The following PTK2 variants were observed in gnomAD, a reference collection of about 807,000 sequenced individuals.
PTK2 encodes the protein protein tyrosine kinase 2.
In PTK2, 45 loss-of-function variants were observed where a neutral mutation model predicts 150.1. The ratio of observed to expected loss-of-function variants is 0.30; its 90% CI spans 0.24 to 0.38. PTK2 has a LOEUF of 0.38. Ranked by LOEUF, PTK2 falls within the 10% of genes least tolerant of loss-of-function variation. The pLI is 1.00. For synonymous variants in PTK2, 432 were observed against 449.2 expected (o/e 0.96, Z 0.48); for missense variants, 919 against 1,307.3 (o/e 0.70, Z 4.58).
At chr8:140,741,053 AGGAT>A (rs1465780987) in intron 20 of PTK2, among the ~76,000 whole-genome samples, 1 of 152,138 alleles carries the variant, frequency 6.6e-6, no homozygotes, top group Non-Finnish European at 1.5e-5. Flanking sequence ...CTGAGGCAGG[AGGAT>A]GACTTGAGCC....
chr8:140,947,690 T>C (rs1569379382), intron 1 of PTK2, among the ~76,000 whole-genome samples: 1 of 151,874 alleles, frequency 6.6e-6, no homozygotes, highest in Admixed American at 6.6e-5. Flanking sequence ...TCAACAAATA[T>C]CTAGCTATTA....
Position 140,890,779 on chromosome 8 carries a change from G to A in PTK2, c.-32-10C>T, listed in dbSNP as rs756407434. 3 of 1,608,384 alleles carry A rather than the reference G, an allele frequency of 1.9e-6. No individual in the cohort carries two copies. The South Asian group carries it at 3.3e-5, about 18-fold the overall frequency. On this transcript the variant is annotated splice_polypyrimidine_tract_variant and intron_variant, in intron 2 of 31. Transcript: ENST00000522684. Reference sequence around the variant, plus strand: ...AGGTATCTGTCATATTCTGTTAAAAGAACAAAATAATTTTTTGTGTATAAT... The same window carrying A: ...AGGTATCTGTCATATTCTGTTAAAAAAACAAAATAATTTTTTGTGTATAAT...
intron 13 of PTK2, among the ~76,000 whole-genome samples, chr8:140,791,768 C>T (rs944280186): frequency 1.3e-5 from 2 of 152,078 alleles, no homozygotes; most frequent in Non-Finnish European, 2.9e-5. Flanking sequence ...AAGAGTGGAT[C>T]ATGCAAAGAC....
chr8:140,688,350 C>A (rs994809441), intron 26 of PTK2, among the ~76,000 whole-genome samples: 3 of 152,106 alleles, frequency 2.0e-5, no homozygotes. Context: ...TATAAAAAAA[C>A]ATGTTCCCTT....
At chr8:140,729,323 C>T (rs1198940620) in intron 22 of PTK2, among the ~76,000 whole-genome samples, 1 of 152,212 alleles carries the variant, frequency 6.6e-6, no homozygotes, top group Non-Finnish European at 1.5e-5. Context: ...AAGCGGTTCC[C>T]AGCAGGCTCT....
At chr8:140,857,499 C>T (rs1038670331) in intron 5 of PTK2, among the ~76,000 whole-genome samples, 1 of 152,136 alleles carries the variant, frequency 6.6e-6, no homozygotes, top group African/African-American at 2.4e-5. Flanking sequence ...AAGGGACCTG[C>T]TATATAAACC....
At chr8:140,958,037 A>T (rs1351696266) in intron 1 of PTK2, among the ~76,000 whole-genome samples, 1 of 152,216 alleles carries the variant, frequency 6.6e-6, no homozygotes, top group African/African-American at 2.4e-5. Context: ...CTAATGAGTT[A>T]ACTACCTTTT....
At chr8:140,948,126 T>A (rs2100178316) in intron 1 of PTK2, among the ~76,000 whole-genome samples, 1 of 151,920 alleles carries the variant, frequency 6.6e-6, no homozygotes, top group Admixed American at 6.6e-5. Context: ...CAATAAAGGA[T>A]CATCAGACAT....
At chr8:140,744,180 T>C (rs2154465499) in intron 19 of PTK2, among the ~76,000 whole-genome samples, 1 of 152,166 alleles carries the variant, frequency 6.6e-6, no homozygotes, top group African/African-American at 2.4e-5. Flanking sequence ...GGTCTTTACT[T>C]GCATTCAAAC....
intron 7 of PTK2, among the ~76,000 whole-genome samples, chr8:140,837,917 C>A (rs1478917465): frequency 6.6e-6 from 1 of 151,812 alleles, no homozygotes; most frequent in Non-Finnish European, 1.5e-5. Context: ...AAAAAATTAG[C>A]CGGGCACAGT....
intron 3 of PTK2, among the ~76,000 whole-genome samples, chr8:140,886,474 T>C (rs1171742604): frequency 3.3e-5 from 5 of 152,154 alleles, no homozygotes; most frequent in Middle Eastern, 3.4e-3. Flanking sequence ...AGGCAGAAGG[T>C]TGGATTAAAT....
At chr8:140,975,726 CCT>C (rs1182310866) in intron 1 of PTK2, among the ~76,000 whole-genome samples, 1 of 152,286 alleles carries the variant, frequency 6.6e-6, no homozygotes, top group Non-Finnish European at 1.5e-5. Context: ...TCTGCCGACC[CCT>C]GAGGTTGGGC....
intron 2 of PTK2, among the ~76,000 whole-genome samples, chr8:140,915,432 G>A (rs2100164864): frequency 6.6e-6 from 1 of 152,036 alleles, no homozygotes; most frequent in Non-Finnish European, 1.5e-5. Flanking sequence ...TACATACATA[G>A]GGTGATCAAA....
chr8:140,706,166 C>G lies in PTK2; in HGVS notation c.2182G>C (p.Gly728Arg), dbSNP rs2100033639. ...ATGTGCTGTGGGCTGGGATAAAATCCTTCGCTGGACCTCGGACTGGGATAA... is the reference window on the plus strand; with the variant it reads ...ATGTGCTGTGGGCTGGGATAAAATCGTTCGCTGGACCTCGGACTGGGATAA... The change falls in exon 24 of 32, where the codon GGA becomes CGA. Residue 728 changes from glycine to arginine, a missense_variant. Transcript: ENST00000522684. The G allele has an allele frequency of 1.2e-6, 2 of 1,613,638 alleles. No individual in the cohort carries two copies. The highest frequency in any genetic ancestry group is 1.7e-6 in the Non-Finnish European group (2 of 1,179,608).
chr8:140,934,447 T>C (rs1255468546), intron 1 of PTK2: 1 of 152,198 alleles, frequency 6.6e-6, no homozygotes, highest in Non-Finnish European at 1.5e-5. Context: ...ATAAATTTTT[T>C]TTTTGAAATT....
At chr8:140,798,275 A>G (rs891327300) in intron 12 of PTK2, among the ~76,000 whole-genome samples, 5 of 152,180 alleles carry the variant, frequency 3.3e-5, no homozygotes, top group African/African-American at 1.2e-4. Context: ...ACTATAATCC[A>G]CTAAAGATGT....
chr8:140,658,761 A>T lies in PTK2; in HGVS notation c.*705T>A, dbSNP rs7460. On this transcript the variant is annotated 3_prime_UTR_variant, in exon 32 of 32. Coordinates refer to ENST00000522684, the Ensembl canonical transcript of PTK2. ...AGCATTTCTGCTTCCAAGAGAAATA[A>T]CATTGCTACAAAAAACTGGCACATT... is the stretch of plus-strand genomic sequence containing the variant. 0.41 allele frequency: 90,937 copies of T among 221,350 alleles called. 20,514 individuals are homozygous for T. Among genetic ancestry groups the T allele is most frequent in the Non-Finnish European group, 0.5 (54,769 of 110,436 alleles). 13.7% of individuals were successfully genotyped at this position (221,350 alleles called of 1,614,324 possible).
At chr8:140,997,208 G>A (rs2100198132) in intron 1 of PTK2, among the ~76,000 whole-genome samples, 1 of 152,232 alleles carries the variant, frequency 6.6e-6, no homozygotes, top group African/African-American at 2.4e-5. Context: ...GCAATCTCAT[G>A]ATAAAACTTG....
intron 2 of PTK2, among the ~76,000 whole-genome samples, chr8:140,907,134 G>A (rs561250122): frequency 2.0e-5 from 3 of 152,216 alleles, no homozygotes; most frequent in South Asian, 2.1e-4. Flanking sequence ...TGGTCCTAGC[G>A]AAAAAATTTA....
Sources: gnomAD v4.1 joint callset for allele counts (sites outside exome capture counted in the v4.1 genomes callset) on GRCh38, gnomAD v4.1.1 for gene constraint, MANE v1.5 for transcripts, NCBI Gene and HGNC (gene_info 2026-07-23, HGNC 2026-07-21) for gene names.